Variants in SERGEF observed in about 807,000 individuals in gnomAD.
SERGEF encodes the protein secretion-regulating guanine nucleotide exchange factor.
A neutral mutation model predicts 50.0 loss-of-function variants in SERGEF; 51 were observed. The ratio of observed to expected loss-of-function variants is 1.02; its 90% CI spans 0.81 to 1.29. The LOEUF (loss-of-function observed/expected upper bound fraction) is 1.29, where lower values mean the gene tolerates loss of function less well. Among genes scored for constraint, SERGEF ranks in the 50% most tolerant of loss-of-function variants. The pLI is 0.00. For synonymous variants in SERGEF, 205 were observed against 212.4 expected, an observed-to-expected ratio of 0.97 and a Z score of 0.30; for missense variants, 521 against 557.0, an observed-to-expected ratio of 0.94 and a Z score of 0.65.
chr11:17,860,649 A>C (rs1850910265), intron 10 of SERGEF, among the ~76,000 whole-genome samples: 1 of 152,196 alleles, frequency 6.6e-6, no homozygotes. Context: ...TTTTGTAATA[A>C]ACAAAAGGTA....
chr11:17,912,382 C>T (rs1373161054), intron 9 of SERGEF, among the ~76,000 whole-genome samples: 1 of 152,094 alleles, frequency 6.6e-6, no homozygotes, highest in Non-Finnish European at 1.5e-5. Flanking sequence ...CCATTTGTGG[C>T]CTAGTTAACA....
chr11:17,964,193 G>T (rs1004434279), intron 8 of SERGEF, among the ~76,000 whole-genome samples: 1 of 152,112 alleles, frequency 6.6e-6, no homozygotes, highest in African/African-American at 2.4e-5. Flanking sequence ...CTCCTGGGGC[G>T]TTTGGCAAAC....
intron 9 of SERGEF, among the ~76,000 whole-genome samples, chr11:17,880,343 A>G (rs1220352722): frequency 1.3e-5 from 2 of 152,196 alleles, no homozygotes; most frequent in Non-Finnish European, 2.9e-5. Flanking sequence ...TAGGTCTGTT[A>G]CAGGAAGATA....
At chr11:17,984,148 G>A (rs964236482) in intron 8 of SERGEF, among the ~76,000 whole-genome samples, 14 of 152,204 alleles carry the variant, frequency 9.2e-5, no homozygotes, top group Non-Finnish European at 8.8e-5. Context: ...GAGGTATGAA[G>A]AATGGGTTGG....
rs553604124 is a variant in SERGEF at position 17,800,711 on chromosome 11, A to G, written c.1049-12298T>C. ...GGTAGTTGGGAAGTCCTCCCCAATA[A>G]TGTGGCCCCTGAGTTGCGACCTGTA... On this transcript the variant is annotated intron_variant, in intron 10 of 10. Coordinates refer to ENST00000265965, the MANE Select transcript of SERGEF (RefSeq NM_012139.4). Among the ~76,000 whole-genome samples, 7 of 152,302 alleles carry G rather than the reference A, an allele frequency of 4.6e-5. No homozygotes were observed. The South Asian group carries it at 1.5e-3, about 32-fold the overall frequency.
intron 1 of SERGEF, among the ~76,000 whole-genome samples, chr11:18,011,489 G>C (rs1487501039): frequency 6.6e-6 from 1 of 152,182 alleles, no homozygotes; most frequent in Non-Finnish European, 1.5e-5. Flanking sequence ...CTCACACCTT[G>C]ATCTTGGCCT....
chr11:17,813,032 G>A (rs11024409), intron 10 of SERGEF, among the ~76,000 whole-genome samples: 20 of 152,178 alleles, frequency 1.3e-4, no homozygotes, highest in South Asian at 6.2e-4. Flanking sequence ...GGACATCACC[G>A]TATTCAGAAG....
At chr11:17,896,755 T>TAACGGAAGGGTAACGGAAGGGG (rs1851642930) in intron 9 of SERGEF, among the ~76,000 whole-genome samples, 2 of 35,930 alleles carry the variant, frequency 5.6e-5, no homozygotes, top group Non-Finnish European at 1.1e-4. Context: ...AACGGAAGGG[T>TAACGGAAGGGTAACGGAAGGGG]AAGGGAAGGG....
intron 7 of SERGEF, among the ~76,000 whole-genome samples, chr11:17,989,141 T>C (rs895578854): frequency 3.9e-5 from 6 of 152,206 alleles, no homozygotes; most frequent in African/African-American, 1.4e-4. Flanking sequence ...ATTTTCAAAA[T>C]AACAGGTTAA....
chr11:17,992,252 A>G (rs1244952616), intron 7 of SERGEF, among the ~76,000 whole-genome samples: 2 of 152,228 alleles, frequency 1.3e-5, no homozygotes, highest in African/African-American at 2.4e-5. Flanking sequence ...ACAAAACTAC[A>G]TATCTAGAGT....
Position 18,012,966 on chromosome 11 carries a change from GGCCGCCGCGGGGGCGGCCTC to G in SERGEF, c.25_44del (p.Glu9ArgfsTer9), listed in dbSNP as rs1854232001. Reference sequence around the variant, plus strand: ...AGTCACGTACCCAGGCGAAGAGCGCGGCCGCCGCGGGGGCGGCCTCCGAGGCGCTGGGCTCGCGCTCCATG... The same window carrying G: ...AGTCACGTACCCAGGCGAAGAGCGCGCGAGGCGCTGGGCTCGCGCTCCATG... On this transcript the variant is annotated frameshift_variant, in exon 1 of 11. Coordinates refer to ENST00000265965, the MANE Select transcript of SERGEF (RefSeq NM_012139.4). LOFTEE classifies it high-confidence loss of function. The G allele has an allele frequency of 3.4e-6, 5 of 1,477,498 alleles. No homozygotes were observed. The highest frequency in any genetic ancestry group is 4.4e-6 in the Non-Finnish European group (5 of 1,123,714). The allele number at this position is 1,477,498 out of a possible 1,614,324, so 91.5% of individuals were successfully genotyped here. A position where few individuals can be genotyped will look rare whatever the true frequency, so the allele number is the denominator to read the frequency against.
At position 17,902,360 on chromosome 11, in the gene SERGEF, G is replaced by C. The variant is rs573826954; in HGVS notation, c.1012-24116C>G. Among the ~76,000 whole-genome samples, 7 of 152,314 alleles carry C rather than the reference G, an allele frequency of 4.6e-5. No homozygotes were observed. The South Asian group carries it at 1.4e-3, about 32-fold the overall frequency. On this transcript the variant is annotated intron_variant, in intron 9 of 10. Transcript: ENST00000265965. ...AGATCACTAAGAGGCTGCTACAGTG[G>C]TCCAGGAAAGAGGGCGCAGACACCC...
intron 8 of SERGEF, among the ~76,000 whole-genome samples, chr11:17,968,655 G>A (rs1405918035): frequency 6.6e-6 from 1 of 150,886 alleles, no homozygotes; most frequent in East Asian, 1.9e-4. Flanking sequence ...AGGGAGCTAT[G>A]ACCATGCTAC....
chr11:17,810,116 G>C (rs996355711), intron 10 of SERGEF, among the ~76,000 whole-genome samples: 2 of 152,160 alleles, frequency 1.3e-5, no homozygotes, highest in Non-Finnish European at 2.9e-5. Flanking sequence ...TCCCCATTTA[G>C]GGAGAATGCC....
intron 5 of SERGEF, among the ~76,000 whole-genome samples, chr11:17,999,057 T>C (rs1206841382): frequency 6.6e-6 from 1 of 152,228 alleles, no homozygotes; most frequent in Non-Finnish European, 1.5e-5. Context: ...TGGATGAATG[T>C]CTACGGAATT....
chr11:17,947,015 G>C (rs1852675854), intron 9 of SERGEF, among the ~76,000 whole-genome samples: 1 of 152,152 alleles, frequency 6.6e-6, no homozygotes, highest in Non-Finnish European at 1.5e-5. Context: ...TTAAGATACA[G>C]TGCCCACTCA....
chr11:17,807,543 C>T lies in SERGEF; in HGVS notation c.1049-19130G>A, dbSNP rs144657610. Among the ~76,000 whole-genome samples, 40 of 152,362 alleles carry T rather than the reference C, an allele frequency of 2.6e-4. No homozygotes were observed. The East Asian group carries it at 5.2e-3, about 20-fold the overall frequency. On this transcript the variant is annotated intron_variant, in intron 10 of 10. Coordinates refer to ENST00000265965, the MANE Select transcript of SERGEF (RefSeq NM_012139.4). ...TGCGGTTTTTAGCTGGCTCAGCCAA[C>T]GAAGCAGGCTGTCCCCAACTCCAGC...
At chr11:17,928,291 A>C (rs2237920) in intron 9 of SERGEF, among the ~76,000 whole-genome samples, 50,984 of 151,986 alleles carry the variant, frequency 0.34, 9,542 homozygotes, top group East Asian at 0.49. Flanking sequence ...AGACAAGACC[A>C]CATTGAAAGG....
At chr11:17,873,536 G>A (rs1465218806) in intron 10 of SERGEF, among the ~76,000 whole-genome samples, 1 of 152,100 alleles carries the variant, frequency 6.6e-6, no homozygotes, top group South Asian at 2.1e-4. Flanking sequence ...TCATGCCAAG[G>A]TTAGATGTTC....
Sources: gnomAD v4.1 joint callset for allele counts (sites outside exome capture counted in the v4.1 genomes callset) on GRCh38, gnomAD v4.1.1 for gene constraint, MANE v1.5 for transcripts, NCBI Gene and HGNC (gene_info 2026-07-23, HGNC 2026-07-21) for gene names.